Variants in MYH13 observed in about 807,000 individuals in gnomAD.
MYH13 encodes myosin heavy chain 13, also known as myosin-13.
Under a neutral mutation model 232.1 loss-of-function variants are expected in MYH13, and 177 were observed. The observed-to-expected ratio is 0.76, with a 90% CI of 0.67 to 0.86. The LOEUF (loss-of-function observed/expected upper bound fraction) is 0.86. Among genes scored for constraint, MYH13 ranks in the 40% least tolerant of loss-of-function variants. The probability of loss-of-function intolerance (pLI) is 0.00; values close to 1 mark genes in which losing one functional copy is unlikely to be tolerated. For missense variants in MYH13, 2,246 were observed against 2,405.9 expected (o/e 0.93, Z 1.39); for synonymous variants, 884 against 923.5 (o/e 0.96, Z 0.78).
At position 10,340,191 on chromosome 17, in the gene MYH13, T is replaced by C; in HGVS notation, c.2015A>G (p.His672Arg). ...LMTNLRSTHP[H>R]FVRCLIPNET... ...ATTGGGAATCAGACATCGTACAAAGTGAGGGTGGGTGCTCCTTAAGTTAGT... is the reference window on the plus strand; with the variant it reads ...ATTGGGAATCAGACATCGTACAAAGCGAGGGTGGGTGCTCCTTAAGTTAGT... Residue 672 changes from histidine (H) to arginine (R), a missense_variant, in exon 18 of 41, where the codon CAC becomes CGC. Coordinates refer to ENST00000252172, the MANE Select transcript of MYH13 (RefSeq NM_003802.3). The C allele has an allele frequency of 1.9e-6, 3 of 1,614,016 alleles. No individual in the cohort carries two copies. Among genetic ancestry groups the C allele is most frequent in the Non-Finnish European group, 2.5e-6 (3 of 1,179,940 alleles).
chr17:10,303,965 T>C (rs181279508), intron 37 of MYH13, among the ~76,000 whole-genome samples: 1 of 152,268 alleles, frequency 6.6e-6, no homozygotes, highest in East Asian at 1.9e-4. Context: ...GTTCATGTCC[T>C]TTTCAGGGAC....
rs1906692518 is a variant in MYH13 at position 10,315,924 on chromosome 17, C to T, written c.3840G>A (p.Gln1280=). ...CATTTTGGGTCTGCAGTCTTGCTTT[C>T]TGCATGTTCAGATCATGGATCAACT... ...QTQLIHDLNM[Q]KARLQTQNGE... The change falls in exon 28 of 41, where the codon CAG becomes CAA. Residue 1280 remains glutamine, a synonymous_variant. Transcript: ENST00000252172. The T allele has an allele frequency of 1.2e-6, 2 of 1,614,030 alleles. No individual in the cohort carries two copies. The highest frequency in any genetic ancestry group is 4.5e-5 in the East Asian group (2 of 44,872).
chr17:10,319,021 C>G lies in MYH13; in HGVS notation c.3507G>C (p.Lys1169Asn), dbSNP rs1597888987. The part of the protein sequence containing the change: ...GATSAQIEMN[K>N]KREAEFQKMR... ...TTTTCTGGAACTCAGCCTCCCTCTT[C>G]TTGTTCATCTCAATCTGGGCTGAAG... The change falls in exon 27 of 41, where the codon AAG becomes AAC. Residue 1169 changes from lysine to asparagine, a missense_variant. Transcript: ENST00000252172. The G allele has an allele frequency of 1.2e-6, 2 of 1,614,150 alleles. No homozygotes were observed. The highest frequency in any genetic ancestry group is 1.7e-6 in the Non-Finnish European group (2 of 1,180,034).
chr17:10,364,645 C>G, intron 2 of MYH13, 103 bp from the exon 3 acceptor site: 2 of 1,019,006 alleles, frequency 2.0e-6, no homozygotes, highest in Non-Finnish European at 2.9e-6. Flanking sequence ...TTCAAAGGCT[C>G]CTAGATTGAA....
chr17:10,313,731 G>T (rs1450246215), intron 29 of MYH13, among the ~76,000 whole-genome samples: 1 of 152,176 alleles, frequency 6.6e-6, no homozygotes, highest in African/African-American at 2.4e-5. Context: ...ATAAGCAAAT[G>T]CTAAGGAAGT....
Position 10,345,229 on chromosome 17 carries a change from C to G in MYH13, c.1557G>C (p.Leu519=), listed in dbSNP as rs751772250. The G allele has an allele frequency of 6.2e-7, 1 of 1,614,152 alleles. No homozygotes were observed. The highest frequency in any genetic ancestry group is 1.1e-5 in the South Asian group (1 of 91,080). Residue 519 remains leucine, a synonymous_variant, in exon 15 of 41, where the codon CTG becomes CTC. Transcript: ENST00000252172. The part of the protein sequence containing the change: ...EWEFIDFGMD[L]AACIELIEKP... Reference sequence around the variant, plus strand: ...TCTCGATGAGCTCGATGCAGGCAGCCAGGTCCATTCCGAAGTCAATGAACT... The same window carrying G: ...TCTCGATGAGCTCGATGCAGGCAGCGAGGTCCATTCCGAAGTCAATGAACT...
intron 15 of MYH13, among the ~76,000 whole-genome samples, chr17:10,344,690 G>A (rs1463384188): frequency 6.6e-6 from 1 of 151,526 alleles, no homozygotes. Context: ...GCGTGGTGGC[G>A]GGCACCTGTA....
chr17:10,317,048 GA>G (rs1418989644), intron 27 of MYH13, among the ~76,000 whole-genome samples: 1 of 152,220 alleles, frequency 6.6e-6, no homozygotes, highest in African/African-American at 2.4e-5. Flanking sequence ...GGGGACAACT[GA>G]AAAAGCGTTA....
chr17:10,306,660 C>T lies in MYH13; in HGVS notation c.5296-31G>A. On this transcript the variant is annotated intron_variant, in intron 36 of 40. Coordinates refer to ENST00000252172, the MANE Select transcript of MYH13 (RefSeq NM_003802.3). This position sits in a 1 kb window ranked among gnomAD's most constrained non-coding sequence, Gnocchi z 4.3. ...TAAGTTCACAGGACACATCAGAGGC[C>T]CTGTCCGCCCATCCCTACCCAGAGC... 1.2e-6 allele frequency: 2 copies of T among 1,612,632 alleles called. No individual in the cohort carries two copies. Among genetic ancestry groups the T allele is most frequent in the Non-Finnish European group, 1.7e-6 (2 of 1,179,604 alleles).
intron 5 of MYH13, among the ~76,000 whole-genome samples, chr17:10,360,785 G>A (rs2071785793): frequency 6.6e-6 from 1 of 152,170 alleles, no homozygotes; most frequent in Non-Finnish European, 1.5e-5. Context: ...CTGGAGTAGG[G>A]CAAGCCCCTG....
In MYH13 at chr17:10,332,214, A is replaced by T; in HGVS notation, c.2183T>A (p.Ile728Asn). The T allele has an allele frequency of 2.5e-6, 4 of 1,613,834 alleles. No homozygotes were observed. The highest frequency in any genetic ancestry group is 2.5e-6 in the Non-Finnish European group (3 of 1,179,792). ...LYADFKQRYRILNASAIPEGQ... is the reference protein window; with the variant it reads ...LYADFKQRYRNLNASAIPEGQ... Reference sequence around the variant, plus strand: ...TTCAGGGATAGCACTGGCATTGAGGATCCGGTACCTAAGGAGAGAGGACAT... The same window carrying T: ...TTCAGGGATAGCACTGGCATTGAGGTTCCGGTACCTAAGGAGAGAGGACAT... The change falls in exon 20 of 41, where the codon ATC becomes AAC. Residue 728 changes from isoleucine to asparagine, a missense_variant. Transcript: ENST00000252172.
intron 13 of MYH13, among the ~76,000 whole-genome samples, chr17:10,346,403 G>A (rs2071666716): frequency 6.6e-6 from 1 of 152,204 alleles, no homozygotes; most frequent in Admixed American, 6.5e-5. Context: ...ACACAACAGA[G>A]GAGAGACTCA....
chr17:10,326,834 A>G (rs1274021293), intron 22 of MYH13, among the ~76,000 whole-genome samples: 1 of 133,714 alleles, frequency 7.5e-6, no homozygotes, highest in Non-Finnish European at 1.6e-5. Context: ...TTTTTTTTTG[A>G]GATCGGGGTC....
chr17:10,313,338 G>T lies in MYH13; in HGVS notation c.4001C>A (p.Ala1334Glu), dbSNP rs201679022. The change falls in exon 30 of 41, where the codon GCG (alanine) becomes GAG (glutamate). Residue 1334 changes from alanine to glutamate, a missense_variant. Coordinates refer to ENST00000252172, the MANE Select transcript of MYH13 (RefSeq NM_003802.3). ...GTGGCGGGAGGACTGCAGGGCGTGC[G>T]CCATGGCGTTCTTGGCCTGGGAATG... is the stretch of plus-strand genomic sequence containing the variant. ...EEETKAKNAM[A>E]HALQSSRHDC... 4.3e-6 allele frequency: 7 copies of T among 1,614,252 alleles called. No individual in the cohort carries two copies. Among genetic ancestry groups the T allele is most frequent in the Non-Finnish European group, 5.9e-6 (7 of 1,180,050 alleles).
intron 19 of MYH13, 132 bp downstream of exon 19, chr17:10,332,942 A>T: frequency 1.3e-6 from 1 of 756,572 alleles, no homozygotes; most frequent in Non-Finnish European, 2.2e-6. Flanking sequence ...CAGTTCCTCT[A>T]GCAAGAGATG....
In MYH13 at chr17:10,364,322, C is replaced by T. The variant is rs1377297616; in HGVS notation, c.204+5G>A. The T allele has an allele frequency of 6.2e-7, 1 of 1,611,670 alleles. No homozygotes were observed. Among genetic ancestry groups the T allele is most frequent in the Non-Finnish European group, 8.5e-7 (1 of 1,178,128 alleles). On this transcript the variant is annotated splice_donor_5th_base_variant and intron_variant, in intron 3 of 40. Coordinates refer to ENST00000252172, the MANE Select transcript of MYH13 (RefSeq NM_003802.3). ...TTATCAAAGACATCTGTAATCAACA[C>T]TCACCCGGTCATCGAGGGTCTTGAC...
chr17:10,324,412 C>G (rs1273630148), intron 22 of MYH13, 148 bp from the exon 23 acceptor site: 5 of 917,946 alleles, frequency 5.4e-6, no homozygotes, highest in Non-Finnish European at 1.6e-6. Context: ...ACACACTGCA[C>G]ACACACGTGT....
intron 31 of MYH13, 120 bp downstream of exon 31, chr17:10,312,454 C>G (rs1389847082): frequency 2.5e-6 from 3 of 1,195,978 alleles, no homozygotes; most frequent in African/African-American, 3.1e-5. Context: ...GTTGTTTTCA[C>G]CACTGCCACT....
rs1035881618 is a variant in MYH13, at chr17:10,309,592, T to A, written c.4895A>T (p.Gln1632Leu). 1 of 1,613,460 alleles carries A rather than the reference T, an allele frequency of 6.2e-7. No individual in the cohort carries two copies. The highest frequency in any genetic ancestry group is 8.5e-7 in the Non-Finnish European group (1 of 1,179,764). ...CATCTGGCGGTTGGAGTGGCCCAGCTGAATCTCCATCTCATTAAGGTCTCC... is the reference window on the plus strand; with the variant it reads ...CATCTGGCGGTTGGAGTGGCCCAGCAGAATCTCCATCTCATTAAGGTCTCC... ...MEGDLNEMEI[Q>L]LGHSNRQMAE... is the part of the protein sequence containing the mutation. The change falls in exon 34 of 41, where the codon CAG (glutamine) becomes CTG (leucine). Residue 1632 changes from glutamine (Q) to leucine (L), a missense_variant. Coordinates refer to ENST00000252172, the MANE Select transcript of MYH13 (RefSeq NM_003802.3).
Sources: gnomAD v4.1 joint callset for allele counts (sites outside exome capture counted in the v4.1 genomes callset) on GRCh38, gnomAD v4.1.1 for gene constraint, Gnocchi (gnomAD v3.1) non-coding constraint, MANE v1.5 for transcripts, NCBI Gene and HGNC (gene_info 2026-07-23, HGNC 2026-07-21) for gene names.